CRCP: variants seen among roughly 807,000 people sequenced by gnomAD.
The protein encoded by CRCP is CGRP receptor component, also known as DNA-directed RNA polymerase III subunit RPC9.
A neutral mutation model predicts 18.5 loss-of-function variants in CRCP; 18 were observed. The ratio of observed to expected loss-of-function variants is 0.97; its 90% CI spans 0.67 to 1.44. CRCP has a LOEUF of 1.44. Ranked by LOEUF, CRCP falls within the 40% of genes most tolerant of loss-of-function variation. The pLI is 0.00. For synonymous variants in CRCP, 53 were observed against 62.9 expected, an observed-to-expected ratio of 0.84 and a Z score of 0.75; for missense variants, 130 against 176.4, an observed-to-expected ratio of 0.74 and a Z score of 1.49.
chr7:66,146,233 A>G (rs1418423359), intron 5 of CRCP, among the ~76,000 whole-genome samples: 2 of 152,100 alleles, frequency 1.3e-5, no homozygotes, highest in Non-Finnish European at 2.9e-5. Flanking sequence ...CAGCCTCATC[A>G]CTTGTGAAGT....
intron 1 of CRCP, among the ~76,000 whole-genome samples, chr7:66,123,697 G>A (rs1787520167): frequency 6.6e-6 from 1 of 150,570 alleles, no homozygotes; most frequent in South Asian, 2.1e-4. Context: ...ATGGTGAGCT[G>A]AGATCATGCC....
chr7:66,149,490 G>A (rs1226991815), intron 5 of CRCP, among the ~76,000 whole-genome samples: 1 of 152,168 alleles, frequency 6.6e-6, no homozygotes, highest in Non-Finnish European at 1.5e-5. Flanking sequence ...AAAGAATAAA[G>A]CAGGGAAAGG....
intron 5 of CRCP, 44 bp from the exon 6 acceptor site, chr7:66,152,164 T>G (rs768812622): frequency 6.2e-7 from 1 of 1,611,304 alleles, no homozygotes; most frequent in African/African-American, 1.3e-5. Flanking sequence ...CCCAAGGCTG[T>G]AAGTTTCATT....
At chr7:66,126,551 G>A (rs1787623240) in intron 1 of CRCP, 1 of 370,564 alleles carries the variant, frequency 2.7e-6, no homozygotes, top group Non-Finnish European at 5.4e-6. Flanking sequence ...TGCAGAGTAG[G>A]AATCATACGA....
intron 4 of CRCP, among the ~76,000 whole-genome samples, chr7:66,138,768 G>T (rs1788046710): frequency 6.7e-6 from 1 of 149,682 alleles, no homozygotes; most frequent in African/African-American, 2.5e-5. Flanking sequence ...ACTCCGGCCT[G>T]GGGGACAGAG....
At chr7:66,128,001 A>G (rs931593448) in intron 2 of CRCP, among the ~76,000 whole-genome samples, 4 of 152,000 alleles carry the variant, frequency 2.6e-5, no homozygotes, top group African/African-American at 9.7e-5. Flanking sequence ...AGTCCCAGCT[A>G]CTTCGGATCC....
At chr7:66,127,544 A>C (rs913662695) in intron 1 of CRCP, among the ~76,000 whole-genome samples, 160 bp from the exon 2 acceptor site, 2 of 152,174 alleles carry the variant, frequency 1.3e-5, no homozygotes, top group Admixed American at 1.3e-4. Context: ...AGCTAGCTAA[A>C]CCATGTTGGA....
intron 1 of CRCP, among the ~76,000 whole-genome samples, chr7:66,118,103 A>G (rs1443797413): frequency 6.6e-6 from 1 of 152,142 alleles, no homozygotes; most frequent in African/African-American, 2.4e-5. Context: ...TCAGCCTACC[A>G]AGTAGCTGGG....
intron 1 of CRCP, 133 bp downstream of exon 1, chr7:66,115,103 G>A (rs1787214994): frequency 7.6e-7 from 1 of 1,311,390 alleles, no homozygotes; most frequent in Non-Finnish European, 1.0e-6. Context: ...GCCCTGTCCG[G>A]GAGGGCCGCG....
rs914144310 is a variant in CRCP at position 66,154,444 on chromosome 7, A to T, written c.*2087A>T. On this transcript the variant is annotated 3_prime_UTR_variant, in exon 6 of 6. Transcript: ENST00000395326. The stretch of plus-strand genomic sequence containing the variant: ...TATGTTAGGTGGTTTTTCTTGATGG[A>T]TTTAGGGTTAACCTAGTTAATAATA... 3 of 151,814 alleles carry T rather than the reference A, an allele frequency of 2.0e-5. No homozygotes were observed. The highest frequency in any genetic ancestry group is 4.8e-5 in the African/African-American group (2 of 41,348). 9.4% of individuals were successfully genotyped at this position (151,814 alleles called of 1,614,324 possible).
At chr7:66,148,520 G>T (rs1320385679) in intron 5 of CRCP, among the ~76,000 whole-genome samples, 1 of 152,202 alleles carries the variant, frequency 6.6e-6, no homozygotes, top group Non-Finnish European at 1.5e-5. Context: ...TCACTTGGAA[G>T]CCAGGTGTCT....
chr7:66,141,264 A>C (rs1043779710), intron 4 of CRCP, among the ~76,000 whole-genome samples: 3 of 152,098 alleles, frequency 2.0e-5, no homozygotes, highest in African/African-American at 7.2e-5. Context: ...TGTACAATTA[A>C]ATTATTGTTG....
At chr7:66,145,627 A>G (rs316324) in intron 5 of CRCP, 127 bp downstream of exon 5, 717,115 of 955,644 alleles carry the variant, frequency 0.75, 269,671 homozygotes, top group African/African-American at 0.83. Context: ...TTAAGGAAAA[A>G]GAGACCTTGC....
At chr7:66,127,094 G>A (rs1035658268) in intron 1 of CRCP, among the ~76,000 whole-genome samples, 1 of 152,236 alleles carries the variant, frequency 6.6e-6, no homozygotes, top group Admixed American at 6.5e-5. Flanking sequence ...TCAAAACTAT[G>A]TTCTTTGTCA....
chr7:66,133,878 A>C (rs1447683071), intron 3 of CRCP, among the ~76,000 whole-genome samples: 1 of 68,250 alleles, frequency 1.5e-5, no homozygotes, highest in Non-Finnish European at 2.7e-5. Flanking sequence ...TTTTTTTTTG[A>C]GACAGAGTCT....
chr7:66,135,710 G>A (rs934214952), intron 4 of CRCP, among the ~76,000 whole-genome samples: 2 of 152,024 alleles, frequency 1.3e-5, no homozygotes, highest in African/African-American at 4.8e-5. Flanking sequence ...ATCACCTGAG[G>A]TTGGGAGTTC....
At chr7:66,132,951 C>T (rs531178498) in intron 3 of CRCP, among the ~76,000 whole-genome samples, 7 of 151,946 alleles carry the variant, frequency 4.6e-5, no homozygotes, top group Admixed American at 2.0e-4. Context: ...AAAGGACTTA[C>T]CAAGTTTAGC....
chr7:66,126,637 T>C, intron 1 of CRCP: 2 of 431,268 alleles, frequency 4.6e-6, no homozygotes, highest in South Asian at 3.3e-5. Flanking sequence ...CCTTCCATTA[T>C]GGAGATGTTA....
chr7:66,134,360 C>A lies in CRCP; in HGVS notation c.225C>A (p.Ser75Arg). Residue 75 changes from serine to arginine, a missense_variant, in exon 4 of 6, where the codon AGC becomes AGA. Ser to Arg is a moderately radical substitution (Grantham distance 110). Transcript: ENST00000395326. ...GAGAATTTCTCACAGCATTGAAAAGCCACAAGTTGACCAAGTAAGTAAATC... is the reference window on the plus strand; with the variant it reads ...GAGAATTTCTCACAGCATTGAAAAGACACAAGTTGACCAAGTAAGTAAATC... ...IVREFLTALK[S>R]HKLTKAEKLQ... is the part of the protein sequence containing the mutation. 6.2e-7 allele frequency: 1 copy of A among 1,607,484 alleles called. No individual in the cohort carries two copies. The highest frequency in any genetic ancestry group is 1.7e-5 in the Admixed American group (1 of 59,020).
Sources: allele counts gnomAD v4.1 joint callset (sites outside exome capture counted in the v4.1 genomes callset), GRCh38; gene constraint gnomAD v4.1.1; transcripts MANE v1.5; gene names NCBI Gene and HGNC (gene_info 2026-07-23, HGNC 2026-07-21).